Variants in CST9 observed in about 807,000 individuals in gnomAD.
CST9 encodes the protein cystatin-9.
In CST9, 11 loss-of-function variants were observed where a neutral mutation model predicts 7.7. The observed-to-expected ratio is 1.44, with a 90% CI of 0.90 to 2.38. The LOEUF (loss-of-function observed/expected upper bound fraction) is 2.38, where lower values mean the gene tolerates loss of function less well. CST9 is among the 30% of genes most tolerant of loss of function. The pLI is 0.00. For missense variants in CST9, 214 were observed against 199.1 expected, an observed-to-expected ratio of 1.07 and a Z score of -0.45; for synonymous variants, 71 against 74.3, an observed-to-expected ratio of 0.96 and a Z score of 0.23.
rs1446005532 is a variant in CST9, at chr20:23,603,654, G to A, written c.336C>T (p.Asn112=). Residue 112 remains asparagine, a synonymous_variant, in exon 2 of 2, where the codon AAC becomes AAT. Transcript: ENST00000376971. The part of the protein sequence containing the change: ...VCRKFEDDID[N]CPFQESLELN... ...GCTCCAGGCTTTCTTGAAAAGGGCA[G>A]TTGTCAATGTCATCTTCAAATTTCC... 2 of 1,614,124 alleles carry A rather than the reference G, an allele frequency of 1.2e-6. No individual in the cohort carries two copies. Among genetic ancestry groups the A allele is most frequent in the Non-Finnish European group, 1.7e-6 (2 of 1,180,060 alleles).
chr20:23,603,436 C>G lies in CST9; in HGVS notation c.*74G>C. On this transcript the variant is annotated 3_prime_UTR_variant, in exon 2 of 2. Transcript: ENST00000376971. ...GATTGGCCAGGGGCCTGAAAGTGAA[C>G]CCCTGGGCTTAATGCCTCACTGGGC... is the stretch of plus-strand genomic sequence containing the variant. 6.4e-7 allele frequency: 1 copy of G among 1,550,926 alleles called. No homozygotes were observed. Among genetic ancestry groups the G allele is most frequent in the Non-Finnish European group, 8.7e-7 (1 of 1,147,644 alleles).
In CST9 at chr20:23,602,597, T is replaced by A; in HGVS notation, c.*913A>T. Reference sequence around the variant, plus strand: ...GGTGTCCACGGGGGAGGGGGCAGCATGTGGCCAGGCATGTGAGTGGCTTCC... The same window carrying A: ...GGTGTCCACGGGGGAGGGGGCAGCAAGTGGCCAGGCATGTGAGTGGCTTCC... On this transcript the variant is annotated 3_prime_UTR_variant, in exon 2 of 2. Coordinates refer to ENST00000376971, the MANE Select transcript of CST9 (RefSeq NM_001008693.3). 3 of 674,322 alleles carry A rather than the reference T, an allele frequency of 4.4e-6. No individual in the cohort carries two copies. In the South Asian group the frequency reaches 2.0e-4, roughly 45 times the overall value. 41.8% of individuals were successfully genotyped at this position (674,322 alleles called of 1,614,324 possible).
intron 1 of CST9, among the ~76,000 whole-genome samples, chr20:23,603,945 G>A (rs1978691580): frequency 6.7e-6 from 1 of 150,318 alleles, no homozygotes; most frequent in Non-Finnish European, 1.5e-5. Flanking sequence ...GGCATGGTGG[G>A]TCTGGGGAGG....
At chr20:23,604,980 C>T (rs1568692656) in intron 1 of CST9, among the ~76,000 whole-genome samples, 1 of 152,222 alleles carries the variant, frequency 6.6e-6, no homozygotes, top group Non-Finnish European at 1.5e-5. Context: ...TTAATGATTT[C>T]ATCAAAAAGG....
In CST9 at chr20:23,603,325, G is replaced by A; in HGVS notation, c.*185C>T. On this transcript the variant is annotated 3_prime_UTR_variant, in exon 2 of 2. Coordinates refer to ENST00000376971, the MANE Select transcript of CST9 (RefSeq NM_001008693.3). The stretch of plus-strand genomic sequence containing the variant: ...CTAGAAGGCAGGGAAGAAGTGGGGA[G>A]GAAGACCAGAGAGAAGGTTCTGAAG... 1.4e-6 allele frequency: 2 copies of A among 1,433,276 alleles called. No homozygotes were observed. The highest frequency in any genetic ancestry group is 9.1e-7 in the Non-Finnish European group (1 of 1,099,208). 88.8% of individuals were successfully genotyped at this position (1,433,276 alleles called of 1,614,324 possible).
At position 23,603,057 on chromosome 20, in the gene CST9, G is replaced by A. The variant is rs1190414993; in HGVS notation, c.*453C>T. On this transcript the variant is annotated 3_prime_UTR_variant, in exon 2 of 2. Transcript: ENST00000376971. Reference sequence around the variant, plus strand: ...CAGTGGAAGCAGTTCCCAGACTTAGGCAATTAGTTACCTATTTGTTAATCT... The same window carrying A: ...CAGTGGAAGCAGTTCCCAGACTTAGACAATTAGTTACCTATTTGTTAATCT... 9.9e-7 allele frequency: 1 copy of A among 1,013,660 alleles called. No individual in the cohort carries two copies. The highest frequency in any genetic ancestry group is 1.0e-4 in the East Asian group (1 of 9,944). The allele number at this position is 1,013,660 out of a possible 1,614,324, so 62.8% of individuals were successfully genotyped here.
chr20:23,603,828 C>A, intron 1 of CST9, 94 bp from the exon 2 acceptor site: 15 of 1,270,186 alleles, frequency 1.2e-5, no homozygotes, highest in Non-Finnish European at 1.6e-5. Flanking sequence ...GAGGCCCCAA[C>A]ACTTTACTGC....
Position 23,603,671 on chromosome 20 carries a change from C to T in CST9, c.319G>A (p.Glu107Lys), listed in dbSNP as rs1005182297. 2.5e-6 allele frequency: 4 copies of T among 1,614,236 alleles called. No homozygotes were observed. The highest frequency in any genetic ancestry group is 3.4e-6 in the Non-Finnish European group (4 of 1,180,038). Reference sequence around the variant, plus strand: ...AAAGGGCAGTTGTCAATGTCATCTTCAAATTTCCTACATACGGTTTGGCGC... The same window carrying T: ...AAAGGGCAGTTGTCAATGTCATCTTTAAATTTCCTACATACGGTTTGGCGC... ...QLRQTVCRKF[E>K]DDIDNCPFQE... Residue 107 changes from glutamate (E) to lysine (K), a missense_variant, in exon 2 of 2, where the codon GAA (glutamate) becomes AAA (lysine). Coordinates refer to ENST00000376971, the MANE Select transcript of CST9 (RefSeq NM_001008693.3).
Position 23,603,731 on chromosome 20 carries a change from G to C in CST9, c.259C>G (p.Arg87Gly). The C allele has an allele frequency of 6.2e-7, 1 of 1,614,094 alleles. No individual in the cohort carries two copies. Among genetic ancestry groups the C allele is most frequent in the Non-Finnish European group, 8.5e-7 (1 of 1,179,992 alleles). The stretch of plus-strand genomic sequence containing the variant: ...TTCATGGAGAACACCATCTTACCTC[G>C]CCACTGTTGGACAAAAGAAGATTAA... ...WREDSMDRKW[R>G]GKMVFSMNLQ... Residue 87 changes from arginine to glycine, a missense_variant, in exon 2 of 2, where the codon CGA becomes GGA. Physicochemically the swap from Arg to Gly is moderately radical, Grantham distance 125 (BLOSUM62 -2). Coordinates refer to ENST00000376971, the MANE Select transcript of CST9 (RefSeq NM_001008693.3).
intron 1 of CST9, 140 bp downstream of exon 1, chr20:23,605,470 A>T: frequency 1.0e-6 from 1 of 993,270 alleles, no homozygotes; most frequent in Non-Finnish European, 1.5e-6. Flanking sequence ...GTTTTCCAAA[A>T]CTAAAACTAC....
Position 23,603,576 on chromosome 20 carries a change from G to T in CST9, c.414C>A (p.Cys138Ter). ...ISFPQVHSCG[C>*]CMGCGVGTGA... ...CTGTGCCCACACCACACCCCATGCAGCATCCACAGCTGTGGACCTGAGGAA... is the reference window on the plus strand; with the variant it reads ...CTGTGCCCACACCACACCCCATGCATCATCCACAGCTGTGGACCTGAGGAA... The change falls in exon 2 of 2, where the codon TGC becomes TGA. Residue 138 changes from cysteine (C) to a stop codon, truncating the protein, a stop_gained. Transcript: ENST00000376971. LOFTEE classifies it low-confidence loss of function (END_TRUNC). The T allele has an allele frequency of 6.2e-7, 1 of 1,614,188 alleles. No homozygotes were observed. Among genetic ancestry groups the T allele is most frequent in the Non-Finnish European group, 8.5e-7 (1 of 1,180,036 alleles).
In CST9 at chr20:23,602,594, G is replaced by A; in HGVS notation, c.*916C>T. The A allele has an allele frequency of 1.6e-6, 1 of 621,690 alleles. No homozygotes were observed. The highest frequency in any genetic ancestry group is 7.1e-5 in the South Asian group (1 of 14,020). 38.5% of individuals were successfully genotyped at this position (621,690 alleles called of 1,614,324 possible). On this transcript the variant is annotated 3_prime_UTR_variant, in exon 2 of 2. Coordinates refer to ENST00000376971, the MANE Select transcript of CST9 (RefSeq NM_001008693.3). ...GCTGGTGTCCACGGGGGAGGGGGCA[G>A]CATGTGGCCAGGCATGTGAGTGGCT...
At position 23,603,649 on chromosome 20, in the gene CST9, G is replaced by A. The variant is rs1379966196; in HGVS notation, c.341C>T (p.Pro114Leu). ...GTTCAGCTCCAGGCTTTCTTGAAAA[G>A]GGCAGTTGTCAATGTCATCTTCAAA... Reference protein sequence around the residue: ...RKFEDDIDNCPFQESLELNNV... With the variant: ...RKFEDDIDNCLFQESLELNNV... The change falls in exon 2 of 2, where the codon CCT becomes CTT. Residue 114 changes from proline (P) to leucine (L), a missense_variant. Pro to Leu is a moderately conservative substitution (Grantham distance 98). Coordinates refer to ENST00000376971, the MANE Select transcript of CST9 (RefSeq NM_001008693.3). 3 of 1,614,236 alleles carry A rather than the reference G, an allele frequency of 1.9e-6. No individual in the cohort carries two copies. The highest frequency in any genetic ancestry group is 2.5e-6 in the Non-Finnish European group (3 of 1,180,042).
At chr20:23,605,152 T>C (rs573885089) in intron 1 of CST9, among the ~76,000 whole-genome samples, 1 of 152,038 alleles carries the variant, frequency 6.6e-6, no homozygotes, top group South Asian at 2.1e-4. Context: ...CCTCGAATTC[T>C]CACTGTTCTC....
At position 23,603,353 on chromosome 20, in the gene CST9, C is replaced by A; in HGVS notation, c.*157G>T. On this transcript the variant is annotated 3_prime_UTR_variant, in exon 2 of 2. Transcript: ENST00000376971. ...AGACCAGAGAGAAGGTTCTGAAGGC[C>A]ATGTGGCCCAGGTGCAGGCAGCTGC... 1 of 1,443,668 alleles carries A rather than the reference C, an allele frequency of 6.9e-7. No homozygotes were observed. 89.4% of individuals were successfully genotyped at this position (1,443,668 alleles called of 1,614,324 possible).
At position 23,605,710 on chromosome 20, in the gene CST9, T is replaced by A; in HGVS notation, c.155A>T (p.Glu52Val). Residue 52 changes from glutamate to valine, a missense_variant, in exon 1 of 2, where the codon GAG becomes GTG. By Grantham distance (121) the Glu-to-Val change is moderately radical. Coordinates refer to ENST00000376971, the MANE Select transcript of CST9 (RefSeq NM_001008693.3). ...VQDPMFLATV[E>V]FALNTFNVQS... is the part of the protein sequence containing the mutation. ...CACGTTGAAAGTGTTCAAGGCAAAC[T>A]CCACTGTGGCGAGGAACATAGGATC... The A allele has an allele frequency of 1.2e-6, 2 of 1,614,178 alleles. 1 individual carries two copies. The highest frequency in any genetic ancestry group is 2.2e-5 in the South Asian group (2 of 91,078).
At position 23,603,407 on chromosome 20, in the gene CST9, C is replaced by A. The variant is rs553536989; in HGVS notation, c.*103G>T. 1.6e-5 allele frequency: 24 copies of A among 1,483,016 alleles called. No individual in the cohort carries two copies. In the Admixed American group the frequency reaches 5.8e-4, roughly 36 times the overall value. The allele number at this position is 1,483,016 out of a possible 1,614,324, so 91.9% of individuals were successfully genotyped here. A position where few individuals can be genotyped will look rare whatever the true frequency, so the allele number is the denominator to read the frequency against. ...GGTGTCAGAGGGCAGAATCAGGAAACTCAGATTGGCCAGGGGCCTGAAAGT... is the reference window on the plus strand; with the variant it reads ...GGTGTCAGAGGGCAGAATCAGGAAAATCAGATTGGCCAGGGGCCTGAAAGT... On this transcript the variant is annotated 3_prime_UTR_variant, in exon 2 of 2. Coordinates refer to ENST00000376971, the MANE Select transcript of CST9 (RefSeq NM_001008693.3).
Position 23,603,753 on chromosome 20 carries a change from T to A in CST9, c.256-19A>T. The A allele has an allele frequency of 6.2e-7, 1 of 1,612,846 alleles. No homozygotes were observed. The highest frequency in any genetic ancestry group is 8.5e-7 in the Non-Finnish European group (1 of 1,179,222). On this transcript the variant is annotated intron_variant, in intron 1 of 1. Transcript: ENST00000376971. Reference sequence around the variant, plus strand: ...CTCGCCACTGTTGGACAAAAGAAGATTAAAGTGGATGCACCGTCTTCCTGC... The same window carrying A: ...CTCGCCACTGTTGGACAAAAGAAGAATAAAGTGGATGCACCGTCTTCCTGC...
Position 23,602,819 on chromosome 20 carries a change from C to T in CST9, c.*691G>A. On this transcript the variant is annotated 3_prime_UTR_variant, in exon 2 of 2. Transcript: ENST00000376971. ...GGTTCCATCTCCACCTTGCCCATTCCTGGGGCCAGCAATTGTGCCACGTGG... is the reference window on the plus strand; with the variant it reads ...GGTTCCATCTCCACCTTGCCCATTCTTGGGGCCAGCAATTGTGCCACGTGG... 1 of 985,734 alleles carries T rather than the reference C, an allele frequency of 1.0e-6. No homozygotes were observed. The highest frequency in any genetic ancestry group is 1.2e-6 in the Non-Finnish European group (1 of 830,198). The allele number at this position is 985,734 out of a possible 1,614,324, so 61.1% of individuals were successfully genotyped here.
Sources: gnomAD v4.1 joint callset for allele counts (sites outside exome capture counted in the v4.1 genomes callset) on GRCh38, gnomAD v4.1.1 for gene constraint, MANE v1.5 for transcripts, NCBI Gene and HGNC (gene_info 2026-07-23, HGNC 2026-07-21) for gene names.